NACC2: variants seen among roughly 807,000 people sequenced by gnomAD.
NACC2 encodes nucleus accumbens-associated protein 2.
A neutral mutation model predicts 25.1 loss-of-function variants in NACC2; 8 were observed. The ratio of observed to expected loss-of-function variants is 0.32; its 90% CI spans 0.19 to 0.57. The LOEUF (loss-of-function observed/expected upper bound fraction) is 0.57. NACC2 is among the 20% of genes least tolerant of loss of function. NACC2 has a pLI of 0.89. For synonymous variants in NACC2, 435 were observed against 294.7 expected (o/e 1.48, Z -4.88); for missense variants, 644 against 650.2 (o/e 0.99, Z 0.10).
rs556817614 is a variant in NACC2, at chr9:136,059,891, T to A, written c.-59-9311A>T. On this transcript the variant is annotated intron_variant, in intron 1 of 5. Coordinates refer to ENST00000277554, the MANE Select transcript of NACC2 (RefSeq NM_144653.5). ...CCCCAACCCCTCCACCCTAACTCAATTGCAGCCAAGACCCACCCCGATGTC... is the reference window on the plus strand; with the variant it reads ...CCCCAACCCCTCCACCCTAACTCAAATGCAGCCAAGACCCACCCCGATGTC... 5.9e-5 allele frequency among the ~76,000 whole-genome samples: 9 copies of A among 152,250 alleles called. No homozygotes were observed. The East Asian group carries it at 1.5e-3, about 26-fold the overall frequency.
At chr9:136,040,833 C>G (rs1482583744) in intron 2 of NACC2, among the ~76,000 whole-genome samples, 1 of 152,052 alleles carries the variant, frequency 6.6e-6, no homozygotes, top group East Asian at 1.9e-4. Context: ...TGGTGGTGCA[C>G]GCCTGTAGTT....
rs540033182 is a variant in NACC2, at chr9:136,035,989, G to C, written c.886+13647C>G. 2.0e-5 allele frequency among the ~76,000 whole-genome samples: 3 copies of C among 152,220 alleles called. 1 individual carries two copies. The highest frequency in any genetic ancestry group is 4.4e-5 in the Non-Finnish European group (3 of 68,006). On this transcript the variant is annotated intron_variant, in intron 2 of 5. Coordinates refer to ENST00000277554, the MANE Select transcript of NACC2 (RefSeq NM_144653.5). ...GGGAGGAAGAAATTTCTTTAAATAG[G>C]ATATAAAAACTGCTATTGTACAAAA...
At chr9:136,093,264 G>A (rs1463697580) in intron 1 of NACC2, among the ~76,000 whole-genome samples, 2 of 152,216 alleles carry the variant, frequency 1.3e-5, no homozygotes, top group African/African-American at 2.4e-5. Context: ...CACCAAGATC[G>A]TCACTGTTGT....
chr9:136,044,855 C>T (rs1212592156), intron 2 of NACC2, among the ~76,000 whole-genome samples: 2 of 152,218 alleles, frequency 1.3e-5, no homozygotes, highest in African/African-American at 4.8e-5. Flanking sequence ...GCAGCCCTGG[C>T]CACCTGGGTT....
At chr9:136,077,857 T>G (rs572959041) in intron 1 of NACC2, among the ~76,000 whole-genome samples, 2 of 152,380 alleles carry the variant, frequency 1.3e-5, no homozygotes, top group Non-Finnish European at 2.9e-5. Context: ...TACTGACTTG[T>G]GCTTTATACG....
chr9:136,021,468 C>A (rs4842073), intron 2 of NACC2, among the ~76,000 whole-genome samples: 75,933 of 152,050 alleles, frequency 0.5, 19,893 homozygotes, highest in African/African-American at 0.66. Context: ...CAAGTGCTGG[C>A]GAGGACACGG....
At chr9:136,015,326 C>T (rs559428515) in intron 3 of NACC2, among the ~76,000 whole-genome samples, 9 of 152,358 alleles carry the variant, frequency 5.9e-5, no homozygotes, top group Admixed American at 3.3e-4. Flanking sequence ...GCACTGCGCT[C>T]GCCATCCAGA....
intron 1 of NACC2, 26 bp downstream of exon 1, chr9:136,095,163 G>C (rs1426348466): frequency 1.4e-5 from 2 of 146,852 alleles, no homozygotes; most frequent in Non-Finnish European, 3.0e-5. Flanking sequence ...ACCCGGGGGC[G>C]GCCGCGCGCG....
At position 136,019,807 on chromosome 9, in the gene NACC2, C is replaced by T. The variant is rs934931931; in HGVS notation, c.887-3378G>A. Among the ~76,000 whole-genome samples the T allele has an allele frequency of 3.9e-5, 6 of 152,274 alleles. No homozygotes were observed. The highest frequency in any genetic ancestry group is 6.8e-3 in the Middle Eastern group (2 of 294). On this transcript the variant is annotated intron_variant, in intron 2 of 5. Coordinates refer to ENST00000277554, the MANE Select transcript of NACC2 (RefSeq NM_144653.5). This position sits in a 1 kb window ranked among gnomAD's most constrained non-coding sequence, Gnocchi z 5.2. Reference sequence around the variant, plus strand: ...GACCCAGAAGGAGCCCCCGCCGTACCTTCCAGGCCCTTCTGCTCCCAGCCG... The same window carrying T: ...GACCCAGAAGGAGCCCCCGCCGTACTTTCCAGGCCCTTCTGCTCCCAGCCG...
chr9:136,071,417 C>A (rs1841150208), intron 1 of NACC2, among the ~76,000 whole-genome samples: 1 of 151,784 alleles, frequency 6.6e-6, no homozygotes, highest in Non-Finnish European at 1.5e-5. Context: ...GAGGCAGGTG[C>A]CTGTAATCCC....
intron 2 of NACC2, among the ~76,000 whole-genome samples, chr9:136,034,949 C>T (rs2131150320): frequency 6.6e-6 from 1 of 152,136 alleles, no homozygotes; most frequent in East Asian, 1.9e-4. Flanking sequence ...CAAAAATTAG[C>T]CGGGCATGGT....
chr9:136,060,916 G>A (rs934105217), intron 1 of NACC2, among the ~76,000 whole-genome samples: 23 of 152,210 alleles, frequency 1.5e-4, no homozygotes, highest in Non-Finnish European at 2.4e-4. Flanking sequence ...GTCCCTGAGA[G>A]ACTGGGTACA....
At chr9:136,041,085 GAAGCAAAGGA>G (rs1472336431) in intron 2 of NACC2, among the ~76,000 whole-genome samples, 2 of 121,014 alleles carry the variant, frequency 1.7e-5, no homozygotes, top group Non-Finnish European at 3.7e-5. Flanking sequence ...GGAAAGGAAG[GAAGCAAAGGA>G]AAGGAAAGGA....
In NACC2 at chr9:136,086,862, C is replaced by T. The variant is rs984484396; in HGVS notation, c.-60+8327G>A. On this transcript the variant is annotated intron_variant, in intron 1 of 5. Coordinates refer to ENST00000277554, the MANE Select transcript of NACC2 (RefSeq NM_144653.5). The surrounding 1 kb of genome is among the most constrained non-coding windows in gnomAD (Gnocchi z 5.6). The stretch of plus-strand genomic sequence containing the variant: ...CCACTGTCCTGGGCAAGTGCAGAGC[C>T]AGCCCCCCAGTGCCCTCTACGCACT... Among the ~76,000 whole-genome samples the T allele has an allele frequency of 1.3e-5, 2 of 152,332 alleles. No homozygotes were observed. Among genetic ancestry groups the T allele is most frequent in the South Asian group, 2.1e-4 (1 of 4,824 alleles).
chr9:136,016,388 A>G lies in NACC2; in HGVS notation c.928T>C (p.Cys310Arg). 6.2e-7 allele frequency: 1 copy of G among 1,611,400 alleles called. No individual in the cohort carries two copies. The highest frequency in any genetic ancestry group is 8.5e-7 in the Non-Finnish European group (1 of 1,179,840). The change falls in exon 3 of 6, where the codon TGC becomes CGC. Residue 310 changes from cysteine to arginine, a missense_variant. Coordinates refer to ENST00000277554, the MANE Select transcript of NACC2 (RefSeq NM_144653.5). ...PEPVPLESRS[C>R]VLIRRDLVAL... Reference sequence around the variant, plus strand: ...ACGAGGTCGCGGCGGATGAGGACGCAGGAGCGGCTCTCCAGCGGCACTGGC... The same window carrying G: ...ACGAGGTCGCGGCGGATGAGGACGCGGGAGCGGCTCTCCAGCGGCACTGGC...
At chr9:136,036,506 TAC>T (rs1220404737) in intron 2 of NACC2, among the ~76,000 whole-genome samples, 1 of 152,160 alleles carries the variant, frequency 6.6e-6, no homozygotes, top group Admixed American at 6.5e-5. Context: ...TACATATATA[TAC>T]ACACATACAC....
Position 136,011,365 on chromosome 9 carries a change from T to A in NACC2, c.*151A>T, listed in dbSNP as rs1159134619. 1 of 918,792 alleles carries A rather than the reference T, an allele frequency of 1.1e-6. No homozygotes were observed. The highest frequency in any genetic ancestry group is 1.7e-5 in the African/African-American group (1 of 58,406). 56.9% of individuals were successfully genotyped at this position (918,792 alleles called of 1,614,324 possible). A position where few individuals can be genotyped will look rare whatever the true frequency, so the allele number is the denominator to read the frequency against. ...ATAATGAATGCATTTGTTTCCTTCA[T>A]CAATTTTAAATACAAGCAGAATAAA... is the stretch of plus-strand genomic sequence containing the variant. On this transcript the variant is annotated 3_prime_UTR_variant, in exon 6 of 6. Transcript: ENST00000277554.
intron 1 of NACC2, among the ~76,000 whole-genome samples, chr9:136,056,492 GTCA>G (rs537768131): frequency 3.3e-4 from 51 of 152,328 alleles, no homozygotes; most frequent in African/African-American, 7.9e-4. Flanking sequence ...GTGGTCTCTG[GTCA>G]TCAAGTCACA....
Position 136,080,260 on chromosome 9 carries a change from C to A in NACC2, c.-60+14929G>T, listed in dbSNP as rs1474467729. On this transcript the variant is annotated intron_variant, in intron 1 of 5. Coordinates refer to ENST00000277554, the MANE Select transcript of NACC2 (RefSeq NM_144653.5). ...CAGCCTCATCCCAGCAGGGCCCCCG[C>A]ACCCATCTCTGTGCTCTCCTTCTCT... Among the ~76,000 whole-genome samples the A allele has an allele frequency of 2.6e-5, 4 of 152,206 alleles. No individual in the cohort carries two copies. The East Asian group carries it at 5.8e-4, about 22-fold the overall frequency.
Sources: gnomAD v4.1 joint callset for allele counts (sites outside exome capture counted in the v4.1 genomes callset) on GRCh38, gnomAD v4.1.1 for gene constraint, Gnocchi (gnomAD v3.1) non-coding constraint, MANE v1.5 for transcripts, NCBI Gene and HGNC (gene_info 2026-07-23, HGNC 2026-07-21) for gene names.